The following ERC2 variants were observed in gnomAD, a reference collection of about 807,000 sequenced individuals.
The protein encoded by ERC2 is ELKS/RAB6-interacting/CAST family member 2, also known as ERC protein 2.
ERC2 carries 42 observed loss-of-function variants against 114.8 expected under a neutral mutation model. The ratio of observed to expected loss-of-function variants is 0.37; its 90% CI spans 0.29 to 0.47. The LOEUF (loss-of-function observed/expected upper bound fraction) is 0.47, where lower values mean the gene tolerates loss of function less well. ERC2 is among the 20% of genes least tolerant of loss of function. The pLI, the probability that ERC2 is intolerant of heterozygous loss-of-function variation, is 0.99. For synonymous variants in ERC2, 454 were observed against 425.5 expected, an observed-to-expected ratio of 1.07 and a Z score of -0.82; for missense variants, 939 against 1,150.7, an observed-to-expected ratio of 0.82 and a Z score of 2.66.
chr3:55,955,924 T>TAACCTTTGTGCCTAAGCTTCCTC (rs2067922155), intron 12 of ERC2, among the ~76,000 whole-genome samples: 1 of 152,226 alleles, frequency 6.6e-6, no homozygotes, highest in Non-Finnish European at 1.5e-5. Flanking sequence ...GCAAGCTTCT[T>TAACCTTTGTGCCTAAGCTTCCTC]AACCTTTGTG....
rs560423922 is a variant in ERC2 at position 56,068,092 on chromosome 3, T to A, written c.1641+12725A>T. 9.2e-5 allele frequency among the ~76,000 whole-genome samples: 14 copies of A among 152,348 alleles called. No homozygotes were observed. The East Asian group carries it at 2.5e-3, about 27-fold the overall frequency. On this transcript the variant is annotated intron_variant, in intron 7 of 17. Transcript: ENST00000288221. ...GAGAAGTCCTTCCTTTTCAATTGTT[T>A]GGAAATATTTCAGAGGGAATCTACC...
chr3:55,646,034 G>A (rs998202075), intron 17 of ERC2, among the ~76,000 whole-genome samples: 2 of 152,170 alleles, frequency 1.3e-5, no homozygotes, highest in Non-Finnish European at 2.9e-5. Context: ...TACTCTAGTG[G>A]AAAATGAGGC....
chr3:56,184,911 C>A (rs891380253), intron 3 of ERC2, among the ~76,000 whole-genome samples: 3 of 152,130 alleles, frequency 2.0e-5, no homozygotes, highest in Non-Finnish European at 4.4e-5. Context: ...TAATCTTCAA[C>A]CAGCTTTGCA....
At chr3:56,041,441 T>C (rs934414198) in intron 7 of ERC2, among the ~76,000 whole-genome samples, 4 of 152,148 alleles carry the variant, frequency 2.6e-5, no homozygotes, top group African/African-American at 7.2e-5. Context: ...TTCTGGCAGA[T>C]GTAAGACAGG....
chr3:55,916,938 T>C (rs2065130616), intron 13 of ERC2, among the ~76,000 whole-genome samples: 1 of 152,210 alleles, frequency 6.6e-6, no homozygotes, highest in African/African-American at 2.4e-5. Flanking sequence ...ACAGTTTAAT[T>C]AATCAAAAGT....
chr3:56,383,472 T>C (rs1263604608), intron 2 of ERC2, among the ~76,000 whole-genome samples: 5 of 152,176 alleles, frequency 3.3e-5, no homozygotes, highest in Non-Finnish European at 7.4e-5. Context: ...GCATATAAGC[T>C]CCAGGATGAG....
At chr3:55,780,742 G>C (rs2068974735) in intron 14 of ERC2, among the ~76,000 whole-genome samples, 2 of 152,128 alleles carry the variant, frequency 1.3e-5, no homozygotes, top group Admixed American at 6.5e-5. Flanking sequence ...TTACGGATGT[G>C]CCTTTTGCCC....
intron 13 of ERC2, among the ~76,000 whole-genome samples, chr3:55,910,462 GTGTATATA>G (rs2064736702): frequency 1.3e-5 from 2 of 152,044 alleles, no homozygotes; most frequent in South Asian, 2.1e-4. Context: ...ACATTAATGT[GTGTATATA>G]TGTATATATG....
intron 3 of ERC2, among the ~76,000 whole-genome samples, chr3:56,275,205 T>C (rs1027496339): frequency 6.6e-6 from 1 of 152,060 alleles, no homozygotes; most frequent in Admixed American, 6.6e-5. Flanking sequence ...AAATAAAAAT[T>C]TGTAAATAAG....
intron 2 of ERC2, among the ~76,000 whole-genome samples, chr3:56,336,239 T>A (rs1273764474): frequency 6.6e-6 from 1 of 152,178 alleles, no homozygotes; most frequent in African/African-American, 2.4e-5. Flanking sequence ...GTGCTTCATA[T>A]ATAAGATAGG....
chr3:56,256,563 T>C (rs965386772), intron 3 of ERC2, among the ~76,000 whole-genome samples: 1 of 152,052 alleles, frequency 6.6e-6, no homozygotes, highest in African/African-American at 2.4e-5. Context: ...TTTTTTTTTT[T>C]ATGGGAGGCA....
At chr3:56,122,373 G>A (rs904104655) in intron 6 of ERC2, among the ~76,000 whole-genome samples, 2 of 152,156 alleles carry the variant, frequency 1.3e-5, no homozygotes. Flanking sequence ...AATGGTGGTG[G>A]CCCCTGGAGA....
chr3:55,858,369 A>G (rs557096384), intron 14 of ERC2, among the ~76,000 whole-genome samples: 1 of 152,338 alleles, frequency 6.6e-6, no homozygotes, highest in African/African-American at 2.4e-5. Context: ...AAATGGATAT[A>G]TTAACTCTAA....
chr3:55,772,758 C>A (rs1171311772), intron 14 of ERC2, among the ~76,000 whole-genome samples: 2 of 152,170 alleles, frequency 1.3e-5, no homozygotes, highest in African/African-American at 2.4e-5. Flanking sequence ...TCCCTTGGGC[C>A]TGAAGCAACT....
chr3:55,605,888 A>T (rs569518191), intron 17 of ERC2, among the ~76,000 whole-genome samples: 1 of 152,324 alleles, frequency 6.6e-6, no homozygotes, highest in African/African-American at 2.4e-5. Context: ...CCTAGGAGGA[A>T]CCCCCAAAGA....
intron 6 of ERC2, among the ~76,000 whole-genome samples, chr3:56,121,881 A>C (rs1467901917): frequency 6.6e-6 from 1 of 152,144 alleles, no homozygotes; most frequent in African/African-American, 2.4e-5. Context: ...CAGCAACAGA[A>C]AACAAAGCAA....
intron 13 of ERC2, among the ~76,000 whole-genome samples, chr3:55,898,898 G>A (rs181394133): frequency 1.3e-5 from 2 of 152,142 alleles, no homozygotes; most frequent in Non-Finnish European, 2.9e-5. Flanking sequence ...AGGAACTGGA[G>A]AAGAAAATAG....
In ERC2 at chr3:55,863,144, C is replaced by A. The variant is rs1013006559; in HGVS notation, c.2564+25245G>T. ...TGACCCTGACAGTTCAAACTGTCAG[C>A]GCCAGGAGACTGACATTTTTCTCCT... On this transcript the variant is annotated intron_variant, in intron 14 of 17. Transcript: ENST00000288221. 5.9e-5 allele frequency among the ~76,000 whole-genome samples: 9 copies of A among 152,194 alleles called. 1 individual carries two copies. In the South Asian group the frequency reaches 1.9e-3, roughly 32 times the overall value.
intron 14 of ERC2, among the ~76,000 whole-genome samples, chr3:55,816,781 A>C (rs1039544515): frequency 5.3e-5 from 8 of 152,208 alleles, no homozygotes; most frequent in African/African-American, 4.8e-5. Flanking sequence ...ACAAAAAAAA[A>C]CGAAAAACAC....
Sources: allele counts gnomAD v4.1 joint callset (sites outside exome capture counted in the v4.1 genomes callset), GRCh38; gene constraint gnomAD v4.1.1; transcripts MANE v1.5; gene names NCBI Gene and HGNC (gene_info 2026-07-23, HGNC 2026-07-21).